ACP3: variants seen among roughly 807,000 people sequenced by gnomAD.
The protein encoded by ACP3 is acid phosphatase 3.
Under a neutral mutation model 45.6 loss-of-function variants are expected in ACP3, and 38 were observed. That is an observed-to-expected ratio of 0.83 (90% CI 0.64 to 1.09). The LOEUF is 1.09. Among genes scored for constraint, ACP3 ranks in the 50% least tolerant of loss-of-function variants. The pLI is 0.00. For missense variants in ACP3, 466 were observed against 463.2 expected (o/e 1.01, Z -0.05); for synonymous variants, 162 against 164.7 (o/e 0.98, Z 0.13).
At chr3:132,340,624 T>C (rs1937543320) in intron 5 of ACP3, among the ~76,000 whole-genome samples, 1 of 152,194 alleles carries the variant, frequency 6.6e-6, no homozygotes, top group Non-Finnish European at 1.5e-5. Flanking sequence ...TCCTGGAAGA[T>C]TATCTAATTG....
chr3:132,346,999 T>C (rs527904346), intron 7 of ACP3, among the ~76,000 whole-genome samples: 23 of 152,350 alleles, frequency 1.5e-4, no homozygotes, highest in African/African-American at 5.5e-4. Context: ...GAAATGGAGT[T>C]GCTCCACTTT....
Position 132,348,165 on chromosome 3 carries a change from C to T in ACP3, c.782-1755C>T, listed in dbSNP as rs77880151. 6.3e-3 allele frequency among the ~76,000 whole-genome samples: 964 copies of T among 152,190 alleles called. 7 individuals carry two copies. Among genetic ancestry groups the T allele is most frequent in the African/African-American group, 0.022 (907 of 41,500 alleles). ...GGACTTTTACAGAAAAGTTTGCCAA[C>T]CTCTGCTGTAGACTAGAAATGAAGG... On this transcript the variant is annotated intron_variant, in intron 7 of 9. Transcript: ENST00000336375.
In ACP3 at chr3:132,329,231, G is replaced by A. The variant is rs572778497; in HGVS notation, c.216+869G>A. Among the ~76,000 whole-genome samples, 12 of 152,308 alleles carry A rather than the reference G, an allele frequency of 7.9e-5. No individual in the cohort carries two copies. The South Asian group carries it at 1.9e-3, about 24-fold the overall frequency. ...TTAAGAAAATGTCACAGAATCTTTA[G>A]AGTAGAATGTCTCAAAAACTAATGG... is the stretch of plus-strand genomic sequence containing the variant. On this transcript the variant is annotated intron_variant, in intron 2 of 9. Coordinates refer to ENST00000336375, the MANE Select transcript of ACP3 (RefSeq NM_001099.5).
chr3:132,332,137 A>G lies in ACP3; in HGVS notation c.304-55A>G, dbSNP rs533413647. The G allele has an allele frequency of 6.4e-5, 103 of 1,608,084 alleles. 1 individual carries two copies. In the African/African-American group the frequency reaches 1.3e-3, roughly 20 times the overall value. On this transcript the variant is annotated intron_variant, in intron 3 of 9. Coordinates refer to ENST00000336375, the MANE Select transcript of ACP3 (RefSeq NM_001099.5). Reference sequence around the variant, plus strand: ...CTCTAATACCTTGGCAGCTCTGTAGAAAAAAACCTCATGCTCCCTTTACGT... The same window carrying G: ...CTCTAATACCTTGGCAGCTCTGTAGGAAAAAACCTCATGCTCCCTTTACGT...
In ACP3 at chr3:132,342,428, T is replaced by C. The variant is rs938405129; in HGVS notation, c.556-124T>C. On this transcript the variant is annotated intron_variant, in intron 5 of 9. Transcript: ENST00000336375. ...ATCTAGTGGGCAGAGGCCAGGATAC[T>C]GTGAAACATCCTATAATGCACAGGA... is the stretch of plus-strand genomic sequence containing the variant. The C allele has an allele frequency of 5.6e-5, 35 of 624,474 alleles. No homozygotes were observed. In the Admixed American group the frequency reaches 8.7e-4, roughly 15 times the overall value. The allele number at this position is 624,474 out of a possible 1,614,324, so 38.7% of individuals were successfully genotyped here. A position where few individuals can be genotyped will look rare whatever the true frequency, so the allele number is the denominator to read the frequency against.
At chr3:132,361,571 T>C (rs1938041032), downstream of ACP3, among the ~76,000 whole-genome samples, 1 of 152,216 alleles carries the variant, frequency 6.6e-6, no homozygotes, top group South Asian at 2.1e-4. Context: ...TTTCAAACGA[T>C]GAATGTAGAC....
At chr3:132,361,375 C>T (rs190496439), downstream of ACP3, among the ~76,000 whole-genome samples, 38 of 152,246 alleles carry the variant, frequency 2.5e-4, no homozygotes, top group East Asian at 1.9e-4. Flanking sequence ...TGGTATGCTC[C>T]GATTCACTCC....
At chr3:132,360,742 A>G (rs150698463), downstream of ACP3, among the ~76,000 whole-genome samples, 3 of 152,352 alleles carry the variant, frequency 2.0e-5, no homozygotes, top group East Asian at 5.8e-4. Context: ...TACTAGTGAG[A>G]AGTCCCAGTT....
chr3:132,331,721 T>C lies in ACP3; in HGVS notation c.291T>C (p.Tyr97=). The C allele has an allele frequency of 6.2e-7, 1 of 1,607,566 alleles. No individual in the cohort carries two copies. Among genetic ancestry groups the C allele is most frequent in the South Asian group, 1.1e-5 (1 of 88,722 alleles). The change falls in exon 3 of 10, where the codon TAT becomes TAC. Residue 97 remains tyrosine, a synonymous_variant. Coordinates refer to ENST00000336375, the MANE Select transcript of ACP3 (RefSeq NM_001099.5). The part of the protein sequence containing the change: ...KRYRKFLNES[Y]KHEQVYIRST... ...ATAGAAAATTCTTGAATGAGTCCTA[T>C]AAACATGAACAGGCAAGTTGGGGAG...
At chr3:132,355,063 T>G (rs1360403758) in intron 9 of ACP3, among the ~76,000 whole-genome samples, 1 of 152,250 alleles carries the variant, frequency 6.6e-6, no homozygotes, top group Non-Finnish European at 1.5e-5. Context: ...TAGATGTGAT[T>G]CACACGTGGT....
In ACP3 at chr3:132,340,431, G is replaced by A. The variant is rs1055753157; in HGVS notation, c.556-2121G>A. On this transcript the variant is annotated intron_variant, in intron 5 of 9. Transcript: ENST00000336375. ...ACCGTGTTCTTGCCATGTAGGTTCT[G>A]TATCAATGTATTCTTATATGGCTTC... Among the ~76,000 whole-genome samples, 4 of 151,850 alleles carry A rather than the reference G, an allele frequency of 2.6e-5. No individual in the cohort carries two copies. In the East Asian group the frequency reaches 5.8e-4, roughly 22 times the overall value.
At chr3:132,332,837 C>A (rs556724373) in intron 4 of ACP3, among the ~76,000 whole-genome samples, 89 of 152,274 alleles carry the variant, frequency 5.8e-4, no homozygotes, top group African/African-American at 2.1e-3. Flanking sequence ...CATTGTGTTA[C>A]CTTTCATAAC....
downstream of ACP3, among the ~76,000 whole-genome samples, chr3:132,362,558 T>C (rs1318498457): frequency 2.0e-5 from 3 of 152,118 alleles, no homozygotes; most frequent in African/African-American, 7.2e-5. Flanking sequence ...AATGAATAAT[T>C]AAATCAGCCC....
intron 8 of ACP3, 34 bp downstream of exon 8, chr3:132,350,036 G>A: frequency 7.1e-7 from 1 of 1,407,822 alleles, no homozygotes. Context: ...ACATATGTTT[G>A]TTCAAGTGTG....
intron 5 of ACP3, among the ~76,000 whole-genome samples, chr3:132,342,231 T>C (rs527496028): frequency 2.6e-5 from 4 of 152,198 alleles, no homozygotes; most frequent in Non-Finnish European, 4.4e-5. Context: ...GAATAATCAA[T>C]TCGTGTTTGT....
chr3:132,357,611 G>A lies in ACP3; in HGVS notation c.*733G>A. 1.0e-6 allele frequency: 1 copy of A among 984,398 alleles called. No individual in the cohort carries two copies. Among genetic ancestry groups the A allele is most frequent in the South Asian group, 4.7e-5 (1 of 21,250 alleles). 61.0% of individuals were successfully genotyped at this position (984,398 alleles called of 1,614,324 possible). On this transcript the variant is annotated 3_prime_UTR_variant, in exon 10 of 10. Transcript: ENST00000336375. The stretch of plus-strand genomic sequence containing the variant: ...GTATGTAATACATATAGCAGCTCTT[G>A]AAGTATATATATCATAGCAAATAAG...
chr3:132,347,919 C>A (rs1353958092), intron 7 of ACP3, among the ~76,000 whole-genome samples: 3 of 151,092 alleles, frequency 2.0e-5, no homozygotes, highest in Non-Finnish European at 4.4e-5. Context: ...CTGGTCATAT[C>A]AGTGAAAAGA....
At position 132,358,066 on chromosome 3, in the gene ACP3, A is replaced by AATAG. The variant is rs1937952374; in HGVS notation, c.*1191_*1192insGATA. 1 of 154,376 alleles carries AATAG rather than the reference A, an allele frequency of 6.5e-6. No homozygotes were observed. Among genetic ancestry groups the AATAG allele is most frequent in the Non-Finnish European group, 1.4e-5 (1 of 71,714 alleles). 9.6% of individuals were successfully genotyped at this position (154,376 alleles called of 1,614,324 possible). On this transcript the variant is annotated 3_prime_UTR_variant, in exon 10 of 10. Transcript: ENST00000336375. Reference sequence around the variant, plus strand: ...AAATAAATAAATAAATAAATAAATAAATAAATAAATAAAAACAAAGTTGAT... The same window carrying AATAG: ...AAATAAATAAATAAATAAATAAATAAATAGATAAATAAATAAAAACAAAGTTGAT...
chr3:132,356,197 T>C (rs1937891238), intron 9 of ACP3, among the ~76,000 whole-genome samples: 1 of 152,208 alleles, frequency 6.6e-6, no homozygotes, highest in Non-Finnish European at 1.5e-5. Context: ...ATATGTTATA[T>C]ATTATTCAGT....
Sources: allele counts gnomAD v4.1 joint callset (sites outside exome capture counted in the v4.1 genomes callset), GRCh38; gene constraint gnomAD v4.1.1; transcripts MANE v1.5; gene names NCBI Gene and HGNC (gene_info 2026-07-23, HGNC 2026-07-21).